Variants in KCTD20 observed in about 807,000 individuals in gnomAD.
The protein encoded by KCTD20 is potassium channel tetramerization domain containing 20.
KCTD20 carries 30 observed loss-of-function variants against 39.6 expected under a neutral mutation model. The ratio of observed to expected loss-of-function variants is 0.76; its 90% CI spans 0.57 to 1.03. The LOEUF is 1.03. Among genes scored for constraint, KCTD20 ranks in the 50% least tolerant of loss-of-function variants. The pLI is 0.00. For synonymous variants in KCTD20, 162 were observed against 180.6 expected, an observed-to-expected ratio of 0.90 and a Z score of 0.83; for missense variants, 422 against 522.0, an observed-to-expected ratio of 0.81 and a Z score of 1.87.
At chr6:36,471,238 C>A (rs1185371474) in intron 2 of KCTD20, among the ~76,000 whole-genome samples, 1 of 151,942 alleles carries the variant, frequency 6.6e-6, no homozygotes, top group Non-Finnish European at 1.5e-5. Context: ...AACTGAAATT[C>A]TTTTTAACTT....
At chr6:36,445,646 A>G (rs191600605) in intron 1 of KCTD20, among the ~76,000 whole-genome samples, 375 of 152,318 alleles carry the variant, frequency 2.5e-3, no homozygotes, top group African/African-American at 8.5e-3. Context: ...AGGCTTAGAG[A>G]TATAAAGGAG....
rs201992750 is a variant in KCTD20, at chr6:36,487,163, C to T, written c.1248C>T (p.Asp416=). 1.0e-4 allele frequency: 164 copies of T among 1,612,482 alleles called. No homozygotes were observed. The highest frequency in any genetic ancestry group is 4.0e-5 in the African/African-American group (3 of 74,924). ...NAPLSQMASN[D]FQD is the part of the protein sequence containing the mutation. ...CACTTTCTCAGATGGCTTCTAACGA[C>T]TTTCAGGATTAGGGCCAGCTGTGGG... is the stretch of plus-strand genomic sequence containing the variant. Residue 416 remains aspartate (D), a synonymous_variant, in exon 8 of 8, where the codon GAC becomes GAT. Coordinates refer to ENST00000373731, the MANE Select transcript of KCTD20 (RefSeq NM_173562.5).
At chr6:36,478,619 G>A (rs1776144633) in intron 3 of KCTD20, among the ~76,000 whole-genome samples, 1 of 152,116 alleles carries the variant, frequency 6.6e-6, no homozygotes, top group African/African-American at 2.4e-5. Flanking sequence ...TCTAACAGAA[G>A]ATGAGATGTT....
intron 6 of KCTD20, among the ~76,000 whole-genome samples, chr6:36,482,743 C>T (rs1352105489): frequency 1.3e-5 from 2 of 151,732 alleles, no homozygotes; most frequent in African/African-American, 2.4e-5. Context: ...GTCAAGAGTT[C>T]GAGACCAGCC....
intron 7 of KCTD20, among the ~76,000 whole-genome samples, chr6:36,485,498 T>G (rs1415139673): frequency 1.4e-5 from 2 of 142,992 alleles, no homozygotes; most frequent in African/African-American, 5.2e-5. Context: ...CTTTTTTTTT[T>G]TTTTTTTTTT....
At chr6:36,480,172 C>G (rs1262151111) in intron 5 of KCTD20, among the ~76,000 whole-genome samples, 4 of 152,186 alleles carry the variant, frequency 2.6e-5, no homozygotes, top group Non-Finnish European at 5.9e-5. Flanking sequence ...GTGATACTAA[C>G]TAACCCTTTT....
intron 1 of KCTD20, among the ~76,000 whole-genome samples, chr6:36,459,128 G>A (rs1480272932): frequency 3.9e-5 from 6 of 152,022 alleles, no homozygotes; most frequent in African/African-American, 7.2e-5. Context: ...CCTGGCCAAC[G>A]TGGTGAAACC....
Position 36,474,845 on chromosome 6 carries a change from C to A in KCTD20, c.217C>A (p.Pro73Thr). ...AAATCTTCAGTTCCCTCACATAATG[C>A]CCCTTGCTGAAGACATCAAAGGTTC... ...PANLQFPHIM[P>T]LAEDIKGSCF... Residue 73 changes from proline (P) to threonine (T), a missense_variant, in exon 3 of 8, where the codon CCC becomes ACC. By Grantham distance (38) the Pro-to-Thr change is conservative. Coordinates refer to ENST00000373731, the MANE Select transcript of KCTD20 (RefSeq NM_173562.5). 6.2e-7 allele frequency: 1 copy of A among 1,614,010 alleles called. No individual in the cohort carries two copies. Among genetic ancestry groups the A allele is most frequent in the South Asian group, 1.1e-5 (1 of 91,070 alleles).
At chr6:36,474,709 G>T in intron 2 of KCTD20, 80 bp from the exon 3 acceptor site, 1 of 1,329,538 alleles carries the variant, frequency 7.5e-7, no homozygotes, top group Non-Finnish European at 1.0e-6. Flanking sequence ...TTGTTTACTT[G>T]TTTTAAAGAA....
At chr6:36,458,819 T>C (rs975652665) in intron 1 of KCTD20, among the ~76,000 whole-genome samples, 1 of 151,484 alleles carries the variant, frequency 6.6e-6, no homozygotes, top group Non-Finnish European at 1.5e-5. Flanking sequence ...AGTGAGACCC[T>C]GTCTCTACAG....
In KCTD20 at chr6:36,486,536, AG is replaced by A. The variant is rs199933930; in HGVS notation, c.968-344del. The stretch of plus-strand genomic sequence containing the variant: ...TCTAAGCAATAGAATTAAGAGGACT[AG>A]GGTAGCCATGCTTTGGCAGGACTTT... On this transcript the variant is annotated intron_variant, in intron 7 of 7. Coordinates refer to ENST00000373731, the MANE Select transcript of KCTD20 (RefSeq NM_173562.5). Among the ~76,000 whole-genome samples, 1,286 of 152,254 alleles carry A rather than the reference AG, an allele frequency of 8.4e-3. 22 individuals carry two copies. Among genetic ancestry groups the A allele is most frequent in the African/African-American group, 0.029 (1,223 of 41,532 alleles).
In KCTD20 at chr6:36,479,656, T is replaced by C. The variant is rs1352849373; in HGVS notation, c.603T>C (p.Thr201=). ...DGISIPDLRD[T]CDYLCINFDF... is the part of the protein sequence containing the mutation. ...TCTCTATCCCAGATCTTAGAGATACTTGTGATTATCTCTGCATTAATTTTG... is the reference window on the plus strand; with the variant it reads ...TCTCTATCCCAGATCTTAGAGATACCTGTGATTATCTCTGCATTAATTTTG... The change falls in exon 5 of 8, where the codon ACT becomes ACC. Residue 201 remains threonine (T), a synonymous_variant. Coordinates refer to ENST00000373731, the MANE Select transcript of KCTD20 (RefSeq NM_173562.5). The C allele has an allele frequency of 2.5e-6, 4 of 1,610,402 alleles. No individual in the cohort carries two copies. Among genetic ancestry groups the C allele is most frequent in the African/African-American group, 2.7e-5 (2 of 74,898 alleles).
intron 1 of KCTD20, among the ~76,000 whole-genome samples, chr6:36,464,319 CTATT>C (rs1345867188): frequency 2.6e-5 from 4 of 152,228 alleles, no homozygotes; most frequent in South Asian, 2.1e-4. Flanking sequence ...AGTATAAACT[CTATT>C]TATGAATGAA....
In KCTD20 at chr6:36,479,588, C is replaced by T. The variant is rs1776178124; in HGVS notation, c.538-3C>T. On this transcript the variant is annotated splice_polypyrimidine_tract_variant and splice_region_variant and intron_variant, in intron 4 of 7. Coordinates refer to ENST00000373731, the MANE Select transcript of KCTD20 (RefSeq NM_173562.5). ...ACATTTTTTCTTCCTAATCTATTTA[C>T]AGGATTATTACAAAACCGGTATCAT... is the stretch of plus-strand genomic sequence containing the variant. 6.2e-7 allele frequency: 1 copy of T among 1,603,070 alleles called. No homozygotes were observed. The highest frequency in any genetic ancestry group is 8.5e-7 in the Non-Finnish European group (1 of 1,177,102).
intron 3 of KCTD20, among the ~76,000 whole-genome samples, chr6:36,475,903 GT>G (rs1325383190): frequency 6.6e-6 from 1 of 152,162 alleles, no homozygotes; most frequent in Non-Finnish European, 1.5e-5. Flanking sequence ...TACTATTCAA[GT>G]TTTTTGAAAT....
intron 1 of KCTD20, among the ~76,000 whole-genome samples, chr6:36,449,573 A>G (rs1775173443): frequency 6.6e-6 from 1 of 152,222 alleles, no homozygotes; most frequent in Non-Finnish European, 1.5e-5. Context: ...TTAGCTAGGC[A>G]GAAAAGTTCT....
Position 36,490,386 on chromosome 6 carries a change from A to C in KCTD20, c.*3211A>C, listed in dbSNP as rs975914065. The C allele has an allele frequency of 1.3e-5, 2 of 151,850 alleles. No homozygotes were observed. The highest frequency in any genetic ancestry group is 2.9e-5 in the Non-Finnish European group (2 of 68,038). 9.4% of individuals were successfully genotyped at this position (151,850 alleles called of 1,614,324 possible). On this transcript the variant is annotated 3_prime_UTR_variant, in exon 8 of 8. Transcript: ENST00000373731. ...CCCGTCTCTACTAAAAATACAAAAAAATTAGCCCGGTGTGGTGGCAAGTGC... is the reference window on the plus strand; with the variant it reads ...CCCGTCTCTACTAAAAATACAAAAACATTAGCCCGGTGTGGTGGCAAGTGC...
chr6:36,474,609 C>G (rs554008695), intron 2 of KCTD20, among the ~76,000 whole-genome samples, 180 bp from the exon 3 acceptor site: 2 of 152,286 alleles, frequency 1.3e-5, no homozygotes, highest in South Asian at 4.1e-4. Flanking sequence ...CAATATAAGT[C>G]TCTAGTTTTT....
Position 36,468,750 on chromosome 6 carries a change from T to C in KCTD20, c.-46-1302T>C, listed in dbSNP as rs574465893. On this transcript the variant is annotated intron_variant, in intron 1 of 7. Transcript: ENST00000373731. Reference sequence around the variant, plus strand: ...ATTGTGAAAAAAGCTGTAGTCACATTGAAGGTTTTCTATCAATACATTCAC... The same window carrying C: ...ATTGTGAAAAAAGCTGTAGTCACATCGAAGGTTTTCTATCAATACATTCAC... Among the ~76,000 whole-genome samples, 7 of 152,390 alleles carry C rather than the reference T, an allele frequency of 4.6e-5. No homozygotes were observed. In the South Asian group the frequency reaches 8.3e-4, roughly 18 times the overall value.
Sources: gnomAD v4.1 joint callset for allele counts (sites outside exome capture counted in the v4.1 genomes callset) on GRCh38, gnomAD v4.1.1 for gene constraint, MANE v1.5 for transcripts, NCBI Gene and HGNC (gene_info 2026-07-23, HGNC 2026-07-21) for gene names.